Variants in ITSN1 observed in about 807,000 individuals in gnomAD.
ITSN1 encodes the protein intersectin-1.
A neutral mutation model predicts 239.8 loss-of-function variants in ITSN1; 58 were observed. The ratio of observed to expected loss-of-function variants is 0.24; its 90% CI spans 0.20 to 0.30. The LOEUF (loss-of-function observed/expected upper bound fraction) is 0.30. Among genes scored for constraint, ITSN1 ranks in the 10% least tolerant of loss-of-function variants. The pLI is 1.00. For synonymous variants in ITSN1, 780 were observed against 770.8 expected (o/e 1.01, Z -0.20); for missense variants, 1,558 against 2,103.3 (o/e 0.74, Z 5.07).
At chr21:33,711,284 T>C (rs1383445666) in intron 1 of ITSN1, among the ~76,000 whole-genome samples, 1 of 152,152 alleles carries the variant, frequency 6.6e-6, no homozygotes, top group African/African-American at 2.4e-5. Flanking sequence ...CGATTTTTTT[T>C]TCTCTCTGTA....
intron 1 of ITSN1, among the ~76,000 whole-genome samples, chr21:33,709,543 A>G (rs375427766): frequency 6.6e-6 from 1 of 152,134 alleles, no homozygotes; most frequent in East Asian, 1.9e-4. Context: ...TGGCTTCCCA[A>G]AGTGCTGAGG....
chr21:33,774,422 G>T, intron 12 of ITSN1: 1 of 205,438 alleles, frequency 4.9e-6, no homozygotes, highest in Non-Finnish European at 9.6e-6. Context: ...ATAAGAAGGA[G>T]CATTTTTAGT....
Position 33,892,654 on chromosome 21 carries a change from T to C in ITSN1, c.*4354T>C, listed in dbSNP as rs974477689. On this transcript the variant is annotated 3_prime_UTR_variant, in exon 40 of 40. Coordinates refer to ENST00000381318, the MANE Select transcript of ITSN1 (RefSeq NM_003024.3). ...CTAGAACAGCCCTAACCTGCACTAG[T>C]GAGGGGGGCTCAGGAATTCCCATGA... The C allele has an allele frequency of 2.6e-5, 4 of 152,298 alleles. No individual in the cohort carries two copies. The highest frequency in any genetic ancestry group is 2.6e-4 in the Admixed American group (4 of 15,292). 9.4% of individuals were successfully genotyped at this position (152,298 alleles called of 1,614,324 possible). A position where few individuals can be genotyped will look rare whatever the true frequency, so the allele number is the denominator to read the frequency against.
At chr21:33,784,930 T>C (rs1467344599) in intron 16 of ITSN1, among the ~76,000 whole-genome samples, 1 of 152,192 alleles carries the variant, frequency 6.6e-6, no homozygotes, top group Non-Finnish European at 1.5e-5. Context: ...TCCACGCTGT[T>C]GATGCAAAAA....
In ITSN1 at chr21:33,693,613, T is replaced by TC. The variant is rs2091655958; in HGVS notation, c.-32-25181dup. Among the ~76,000 whole-genome samples the TC allele has an allele frequency of 2.0e-5, 3 of 152,316 alleles. No homozygotes were observed. The East Asian group carries it at 5.8e-4, about 29-fold the overall frequency. On this transcript the variant is annotated intron_variant, in intron 1 of 39. Coordinates refer to ENST00000381318, the MANE Select transcript of ITSN1 (RefSeq NM_003024.3). Reference sequence around the variant, plus strand: ...CTCAGGTGATCTACCCTCCTCGACCTCCCACAGTGCTGGGACTACAGGCGT... The same window carrying TC: ...CTCAGGTGATCTACCCTCCTCGACCTCCCCACAGTGCTGGGACTACAGGCGT...
rs2148394571 is a variant in ITSN1 at position 33,834,369 on chromosome 21, T to A, written c.3414T>A (p.Pro1138=). The change falls in exon 28 of 40, where the codon CCT becomes CCA. Residue 1138 remains proline, a synonymous_variant. Coordinates refer to ENST00000381318, the MANE Select transcript of ITSN1 (RefSeq NM_003024.3). ...CTAATTATGTAAAGCTTCTAAGCCC[T>A]GGGACGAGCAAAATCACTCCAACAG... The part of the protein sequence containing the change: ...FPANYVKLLS[P]GTSKITPTEP... 1 of 1,614,064 alleles carries A rather than the reference T, an allele frequency of 6.2e-7. No homozygotes were observed. Among genetic ancestry groups the A allele is most frequent in the East Asian group, 2.2e-5 (1 of 44,888 alleles).
intron 7 of ITSN1, among the ~76,000 whole-genome samples, chr21:33,753,380 C>T (rs1420020756): frequency 6.6e-6 from 1 of 152,148 alleles, no homozygotes; most frequent in Non-Finnish European, 1.5e-5. Context: ...CCCAGAGAAG[C>T]TCTAGTCCTC....
At chr21:33,770,824 C>T (rs1051665193) in intron 11 of ITSN1, among the ~76,000 whole-genome samples, 5 of 145,138 alleles carry the variant, frequency 3.4e-5, no homozygotes, top group African/African-American at 1.0e-4. Context: ...AGTGCAGTGG[C>T]GCAATCTTGT....
At chr21:33,823,818 G>C (rs568601883) in intron 25 of ITSN1, among the ~76,000 whole-genome samples, 165 bp downstream of exon 25, 4 of 152,250 alleles carry the variant, frequency 2.6e-5, no homozygotes, top group African/African-American at 9.6e-5. Context: ...TTGGCACTGC[G>C]CAGTAAGCAC....
rs776600672 is a variant in ITSN1, at chr21:33,819,334, G to A, written c.3016+11G>A. On this transcript the variant is annotated intron_variant, in intron 24 of 39. Transcript: ENST00000381318. ...TCGTTTCGGGAGAAGGTGAGGGCCT[G>A]AGTTGTATTATGTTCTTCAGAAGGG... is the stretch of plus-strand genomic sequence containing the variant. 1 of 1,606,674 alleles carries A rather than the reference G, an allele frequency of 6.2e-7. No individual in the cohort carries two copies. The highest frequency in any genetic ancestry group is 8.5e-7 in the Non-Finnish European group (1 of 1,173,314).
chr21:33,656,518 C>T (rs2089090305), intron 1 of ITSN1, among the ~76,000 whole-genome samples: 1 of 152,114 alleles, frequency 6.6e-6, no homozygotes, highest in Non-Finnish European at 1.5e-5. Context: ...GAATTCTGTT[C>T]AAGTGTGTAG....
intron 21 of ITSN1, among the ~76,000 whole-genome samples, chr21:33,812,460 C>G (rs2072979991): frequency 6.6e-6 from 1 of 152,128 alleles, no homozygotes; most frequent in African/African-American, 2.4e-5. Flanking sequence ...GCCTTTAGAT[C>G]TGCAGTCACA....
Position 33,892,916 on chromosome 21 carries a change from A to G in ITSN1, c.*4616A>G, listed in dbSNP as rs928505354. 2 of 152,206 alleles carry G rather than the reference A, an allele frequency of 1.3e-5. No homozygotes were observed. The highest frequency in any genetic ancestry group is 4.8e-5 in the African/African-American group (2 of 41,438). 9.4% of individuals were successfully genotyped at this position (152,206 alleles called of 1,614,324 possible). ...AGGGTGCAAAGAAACCACAGCTGCC[A>G]TTCACGGGGCAGCTCCCTCTAGCTC... On this transcript the variant is annotated 3_prime_UTR_variant, in exon 40 of 40. Transcript: ENST00000381318.
At chr21:33,780,139 T>G (rs958367876) in intron 14 of ITSN1, among the ~76,000 whole-genome samples, 1 of 152,226 alleles carries the variant, frequency 6.6e-6, no homozygotes, top group Non-Finnish European at 1.5e-5. Flanking sequence ...TTGTTAACTC[T>G]TGAGGTAAAG....
At chr21:33,880,316 C>T (rs571920905) in intron 34 of ITSN1, among the ~76,000 whole-genome samples, 7 of 152,286 alleles carry the variant, frequency 4.6e-5, no homozygotes, top group South Asian at 2.1e-4. Flanking sequence ...TATGAATGAA[C>T]GAGAGCACCT....
chr21:33,747,017 G>A (rs980075016), intron 5 of ITSN1, among the ~76,000 whole-genome samples: 1 of 152,172 alleles, frequency 6.6e-6, no homozygotes, highest in Admixed American at 6.5e-5. Context: ...AGCTGGGCGT[G>A]GTGGCAGATG....
intron 33 of ITSN1, among the ~76,000 whole-genome samples, chr21:33,870,779 A>G (rs547296076): frequency 2.0e-4 from 30 of 152,300 alleles, no homozygotes; most frequent in Non-Finnish European, 4.0e-4. Flanking sequence ...CACAGAAAAA[A>G]TTAGCCGGGA....
At chr21:33,773,684 C>CTTT (rs1005258198) in intron 12 of ITSN1, among the ~76,000 whole-genome samples, 1 of 144,332 alleles carries the variant, frequency 6.9e-6, no homozygotes, top group East Asian at 2.0e-4. Context: ...GCCATAACTC[C>CTTT]TTTTTTTTTT....
At chr21:33,669,820 GTGT>G (rs200361576) in intron 1 of ITSN1, among the ~76,000 whole-genome samples, 6,338 of 152,018 alleles carry the variant, frequency 0.042, 444 homozygotes, top group African/African-American at 0.15. Flanking sequence ...ACATGTGTTG[GTGT>G]TGAGATCTCT....
Sources: gnomAD v4.1 joint callset for allele counts (sites outside exome capture counted in the v4.1 genomes callset) on GRCh38, gnomAD v4.1.1 for gene constraint, MANE v1.5 for transcripts, NCBI Gene and HGNC (gene_info 2026-07-23, HGNC 2026-07-21) for gene names.